The following SLC25A21 variants were observed in gnomAD, a reference collection of about 807,000 sequenced individuals.
SLC25A21 encodes the protein solute carrier family 25 member 21.
Under a neutral mutation model 43.8 loss-of-function variants are expected in SLC25A21, and 47 were observed. The ratio of observed to expected loss-of-function variants is 1.07; its 90% CI spans 0.85 to 1.37. The LOEUF (loss-of-function observed/expected upper bound fraction) is 1.37. SLC25A21 is among the 40% of genes most tolerant of loss of function. SLC25A21 has a pLI of 0.00. For synonymous variants in SLC25A21, 131 were observed against 121.3 expected (o/e 1.08, Z -0.52); for missense variants, 352 against 350.2 (o/e 1.00, Z -0.04).
chr14:36,784,875 T>C (rs1486901525), intron 3 of SLC25A21, among the ~76,000 whole-genome samples: 2 of 152,208 alleles, frequency 1.3e-5, no homozygotes, highest in Non-Finnish European at 2.9e-5. Context: ...CTTACCATAC[T>C]ATATATATTT....
chr14:36,845,714 T>A (rs927295416), intron 2 of SLC25A21, among the ~76,000 whole-genome samples: 4 of 152,272 alleles, frequency 2.6e-5, no homozygotes, highest in Non-Finnish European at 5.9e-5. Flanking sequence ...GGACTTGCTA[T>A]CAGCTTCCAT....
intron 6 of SLC25A21, among the ~76,000 whole-genome samples, chr14:36,719,521 G>A (rs1363542239): frequency 1.3e-5 from 2 of 152,148 alleles, no homozygotes; most frequent in Admixed American, 1.3e-4. Context: ...TGATTACTTT[G>A]CTCCCCACAG....
chr14:36,772,325 T>G (rs1244800431), intron 3 of SLC25A21, among the ~76,000 whole-genome samples: 1 of 152,186 alleles, frequency 6.6e-6, no homozygotes, highest in African/African-American at 2.4e-5. Context: ...GGCTAAATCC[T>G]GAGACATAAA....
intron 1 of SLC25A21, among the ~76,000 whole-genome samples, chr14:37,152,612 A>C (rs1030890085): frequency 2.0e-5 from 3 of 152,186 alleles, no homozygotes; most frequent in African/African-American, 7.2e-5. Context: ...AGTCAGAAAC[A>C]CAGTTCTGGA....
intron 1 of SLC25A21, among the ~76,000 whole-genome samples, chr14:37,133,143 G>GCA (rs33962615): frequency 0.29 from 43,130 of 147,880 alleles, 6,317 homozygotes; most frequent in East Asian, 0.48. Context: ...GTGCACTCGT[G>GCA]CACACACACA....
At chr14:36,806,126 T>C (rs1176796583) in intron 3 of SLC25A21, among the ~76,000 whole-genome samples, 1 of 63,132 alleles carries the variant, frequency 1.6e-5, no homozygotes, top group Non-Finnish European at 2.9e-5. Flanking sequence ...GGAGAATTGC[T>C]TGAACCGGGG....
rs138615036 is a variant in SLC25A21, at chr14:37,045,183, G to C, written c.70+127098C>G. On this transcript the variant is annotated intron_variant, in intron 1 of 9. Transcript: ENST00000331299. ...ATATATCAGTATTTCTGAGTATGCA[G>C]TTACCTAGAAAAGCAAGGCTAAACA... 8.3e-4 allele frequency among the ~76,000 whole-genome samples: 127 copies of C among 152,240 alleles called. 2 individuals carry two copies. In the East Asian group the frequency reaches 0.021, roughly 25 times the overall value.
intron 1 of SLC25A21, among the ~76,000 whole-genome samples, chr14:36,909,517 T>C (rs1891626870): frequency 1.3e-5 from 2 of 152,206 alleles, no homozygotes; most frequent in Non-Finnish European, 2.9e-5. Flanking sequence ...CAGTTCTTTC[T>C]AAATAGGCAA....
chr14:37,146,491 C>T (rs546472820), intron 1 of SLC25A21, among the ~76,000 whole-genome samples: 2 of 152,294 alleles, frequency 1.3e-5, no homozygotes, highest in South Asian at 4.1e-4. Flanking sequence ...AAGAGATCCG[C>T]CTGACTTGGC....
chr14:36,766,368 T>C (rs58561106), intron 3 of SLC25A21, among the ~76,000 whole-genome samples: 194 of 152,304 alleles, frequency 1.3e-3, no homozygotes, highest in African/African-American at 4.5e-3. Context: ...TGGGCTGTGA[T>C]CACAGAAAGG....
chr14:37,030,507 T>C (rs17767595), intron 1 of SLC25A21, among the ~76,000 whole-genome samples: 23,702 of 151,894 alleles, frequency 0.16, 2,225 homozygotes, highest in African/African-American at 0.26. Context: ...ACAAATGTTT[T>C]CTGAATCTAC....
intron 1 of SLC25A21, among the ~76,000 whole-genome samples, chr14:37,132,149 C>A (rs1963402190): frequency 6.6e-6 from 1 of 152,152 alleles, no homozygotes; most frequent in Non-Finnish European, 1.5e-5. Flanking sequence ...GGGGGCCAAA[C>A]TTATCCTTTT....
At chr14:36,999,589 A>G (rs1351744042) in intron 1 of SLC25A21, among the ~76,000 whole-genome samples, 1 of 152,168 alleles carries the variant, frequency 6.6e-6, no homozygotes, top group Non-Finnish European at 1.5e-5. Context: ...TGTTGATACC[A>G]GGGAAGGCTA....
At chr14:36,797,795 T>C (rs549061068) in intron 3 of SLC25A21, among the ~76,000 whole-genome samples, 15 of 152,270 alleles carry the variant, frequency 9.9e-5, no homozygotes, top group African/African-American at 3.6e-4. Flanking sequence ...AAAGCCTGAA[T>C]AGGATGAAAA....
chr14:37,034,313 T>G (rs1408225548), intron 1 of SLC25A21, among the ~76,000 whole-genome samples: 4 of 152,102 alleles, frequency 2.6e-5, no homozygotes, highest in Non-Finnish European at 5.9e-5. Flanking sequence ...GCCACCGTGC[T>G]TGGCCTATTT....
Position 36,741,073 on chromosome 14 carries a change from TG to T in SLC25A21, c.204-6501del, listed in dbSNP as rs369092630. ...CTCAGGTAAAGAAACTAAAAAGGAG[TG>T]GAAAAATCACATGTCCTGTCTGCCC... On this transcript the variant is annotated intron_variant, in intron 3 of 9. Transcript: ENST00000331299. Among the ~76,000 whole-genome samples the T allele has an allele frequency of 3.2e-3, 487 of 151,852 alleles. 3 individuals carry two copies. The highest frequency in any genetic ancestry group is 0.011 in the African/African-American group (455 of 41,390).
At chr14:36,821,770 T>G (rs190885563) in intron 2 of SLC25A21, among the ~76,000 whole-genome samples, 1 of 152,112 alleles carries the variant, frequency 6.6e-6, no homozygotes, top group Non-Finnish European at 1.5e-5. Flanking sequence ...CGAGCAGAGA[T>G]CGTGCCACTG....
chr14:36,788,796 T>C (rs1406828298), intron 3 of SLC25A21: 1 of 152,048 alleles, frequency 6.6e-6, no homozygotes, highest in Non-Finnish European at 1.5e-5. Context: ...TCCAGGGAAC[T>C]AAACTTGTCT....
chr14:37,058,571 AG>A (rs1201240252), intron 1 of SLC25A21, among the ~76,000 whole-genome samples: 7 of 152,346 alleles, frequency 4.6e-5, no homozygotes, highest in Non-Finnish European at 8.8e-5. Flanking sequence ...ATGATGTCTA[AG>A]GCCTTTTCCA....
Sources: allele counts gnomAD v4.1 joint callset (sites outside exome capture counted in the v4.1 genomes callset), GRCh38; gene constraint gnomAD v4.1.1; transcripts MANE v1.5; gene names NCBI Gene and HGNC (gene_info 2026-07-23, HGNC 2026-07-21).